ADAM17: variants seen among roughly 807,000 people sequenced by gnomAD.
ADAM17 encodes disintegrin and metalloproteinase domain-containing protein 17.
A neutral mutation model predicts 96.7 loss-of-function variants in ADAM17; 39 were observed. The observed-to-expected ratio is 0.40, with a 90% CI of 0.31 to 0.53. The LOEUF (loss-of-function observed/expected upper bound fraction) is 0.53. Ranked by LOEUF, ADAM17 falls within the 20% of genes least tolerant of loss-of-function variation. The probability of loss-of-function intolerance (pLI) is 0.44; values close to 1 mark genes in which losing one functional copy is unlikely to be tolerated. For missense variants in ADAM17, 777 were observed against 1,013.2 expected, an observed-to-expected ratio of 0.77 and a Z score of 3.17; for synonymous variants, 344 against 359.2, an observed-to-expected ratio of 0.96 and a Z score of 0.48.
At chr2:9,510,265 T>C (rs1471479468) in intron 10 of ADAM17, 134 bp from the exon 11 acceptor site, 46 of 994,606 alleles carry the variant, frequency 4.6e-5, no homozygotes, top group Non-Finnish European at 6.6e-5. Context: ...ATGCTTATAA[T>C]ACCAGCACTT....
chr2:9,509,886 G>A lies in ADAM17; in HGVS notation c.1344+93C>T, dbSNP rs1465328105. The A allele has an allele frequency of 8.8e-6, 13 of 1,475,750 alleles. No homozygotes were observed. The highest frequency in any genetic ancestry group is 1.2e-5 in the Non-Finnish European group (13 of 1,086,908). The allele number at this position is 1,475,750 out of a possible 1,614,324, so 91.4% of individuals were successfully genotyped here. A position where few individuals can be genotyped will look rare whatever the true frequency, so the allele number is the denominator to read the frequency against. ...TTTGCACATCCATCCCTAGGGAAAC[G>A]CCTAGGAATGGAATACGTTTCTGAG... On this transcript the variant is annotated intron_variant, in intron 11 of 18. Coordinates refer to ENST00000310823, the MANE Select transcript of ADAM17 (RefSeq NM_003183.6).
At chr2:9,521,397 C>A in intron 7 of ADAM17, 81 bp from the exon 8 acceptor site, 15 of 965,892 alleles carry the variant, frequency 1.6e-5, no homozygotes, top group South Asian at 7.2e-5. Context: ...TTTATCTGTT[C>A]AAAAAAAGAA....
intron 11 of ADAM17, among the ~76,000 whole-genome samples, chr2:9,506,541 A>G (rs938685882): frequency 1.3e-5 from 2 of 151,490 alleles, no homozygotes; most frequent in African/African-American, 4.9e-5. Context: ...TAATTTTTGT[A>G]TTTTTTGTAG....
chr2:9,514,971 T>C (rs1572923016), intron 10 of ADAM17, among the ~76,000 whole-genome samples: 1 of 152,302 alleles, frequency 6.6e-6, no homozygotes, highest in African/African-American at 2.4e-5. Context: ...ACTCTTGGCC[T>C]CAAGTGATCC....
intron 10 of ADAM17, 93 bp from the exon 11 acceptor site, chr2:9,510,224 A>C (rs1008180263): frequency 3.8e-5 from 51 of 1,355,088 alleles, no homozygotes; most frequent in Non-Finnish European, 5.2e-5. Context: ...ATAGAGCCTT[A>C]TAATCAGATC....
At chr2:9,550,947 C>T (rs976018720) in intron 1 of ADAM17, among the ~76,000 whole-genome samples, 1 of 148,370 alleles carries the variant, frequency 6.7e-6, no homozygotes, top group African/African-American at 2.5e-5. Context: ...TGGTGGGGGA[C>T]ACCTGTAATC....
At chr2:9,502,067 G>T in intron 13 of ADAM17, 106 bp downstream of exon 13, 1 of 1,012,506 alleles carries the variant, frequency 9.9e-7, no homozygotes, top group Non-Finnish European at 1.5e-6. Flanking sequence ...CGGCATATGA[G>T]ATTAAAAATA....
At chr2:9,502,347 T>TA in intron 12 of ADAM17, 71 bp from the exon 13 acceptor site, 1 of 1,347,674 alleles carries the variant, frequency 7.4e-7, no homozygotes, top group East Asian at 2.3e-5. Flanking sequence ...ACGCTACAGT[T>TA]ACGTTACAGT....
rs775739935 is a variant in ADAM17 at position 9,490,316 on chromosome 2, T to C, written c.2336A>G (p.Lys779Arg). 1 of 1,614,146 alleles carries C rather than the reference T, an allele frequency of 6.2e-7. No individual in the cohort carries two copies. The highest frequency in any genetic ancestry group is 2.2e-5 in the East Asian group (1 of 44,868). ...DSHMDEDGFE[K>R]DPFPNSSTAA... ...TGTGCTGCTATTTGGGAAGGGGTCC[T>C]TCTCAAACCCATCCTCGTCCATATG... is the stretch of plus-strand genomic sequence containing the variant. The change falls in exon 19 of 19, where the codon AAG becomes AGG. Residue 779 changes from lysine (K) to arginine (R), a missense_variant. By Grantham distance (26) the Lys-to-Arg change is conservative (BLOSUM62 2). Coordinates refer to ENST00000310823, the MANE Select transcript of ADAM17 (RefSeq NM_003183.6).
At chr2:9,494,147 ACT>A (rs1481585256) in intron 15 of ADAM17, among the ~76,000 whole-genome samples, 1 of 152,090 alleles carries the variant, frequency 6.6e-6, no homozygotes, top group Non-Finnish European at 1.5e-5. Flanking sequence ...ACACAGCCAG[ACT>A]CCCTGTGAAG....
chr2:9,522,161 A>G (rs1388819281), intron 7 of ADAM17: 2 of 351,938 alleles, frequency 5.7e-6, no homozygotes, highest in Admixed American at 4.7e-5. Context: ...TTTATAATAA[A>G]ACAAGTGAAG....
rs2125049885 is a variant in ADAM17 at position 9,555,677 on chromosome 2, C to T, written c.-72G>A. ...TGACGGGGTTTCGGAAAACTGCTCACATCGGGGGAGGACGGGATCCGCCCG... is the reference window on the plus strand; with the variant it reads ...TGACGGGGTTTCGGAAAACTGCTCATATCGGGGGAGGACGGGATCCGCCCG... On this transcript the variant is annotated 5_prime_UTR_variant, in exon 1 of 19. In the 5' UTR this introduces an upstream ATG that the reference lacks. Transcript: ENST00000310823. 2 of 1,302,140 alleles carry T rather than the reference C, an allele frequency of 1.5e-6. No homozygotes were observed. The highest frequency in any genetic ancestry group is 2.7e-5 in the East Asian group (1 of 36,772). 80.7% of individuals were successfully genotyped at this position (1,302,140 alleles called of 1,614,324 possible). A position where few individuals can be genotyped will look rare whatever the true frequency, so the allele number is the denominator to read the frequency against.
intron 4 of ADAM17, among the ~76,000 whole-genome samples, chr2:9,531,650 C>T (rs1664743891): frequency 6.6e-6 from 1 of 151,996 alleles, no homozygotes; most frequent in Admixed American, 6.6e-5. Flanking sequence ...TGCAGTGAGC[C>T]GAGATTGCGC....
intron 7 of ADAM17, 81 bp from the exon 8 acceptor site, chr2:9,521,397 C>CA: frequency 3.1e-6 from 3 of 965,896 alleles, no homozygotes; most frequent in Non-Finnish European, 4.6e-6. Context: ...TTTATCTGTT[C>CA]AAAAAAAGAA....
rs571610128 is a variant in ADAM17, at chr2:9,521,149, A to G, written c.957+54T>C. ...CTTCATTAAAACACATACAATCCAC[A>G]TATCAGAAATGACAAAGTGGTGTTA... is the stretch of plus-strand genomic sequence containing the variant. On this transcript the variant is annotated intron_variant, in intron 8 of 18. Transcript: ENST00000310823. The G allele has an allele frequency of 4.4e-5, 59 of 1,355,728 alleles. No homozygotes were observed. In the African/African-American group the frequency reaches 7.1e-4, roughly 16 times the overall value. The allele number at this position is 1,355,728 out of a possible 1,614,324, so 84.0% of individuals were successfully genotyped here. A position where few individuals can be genotyped will look rare whatever the true frequency, so the allele number is the denominator to read the frequency against.
intron 7 of ADAM17, 163 bp from the exon 8 acceptor site, chr2:9,521,479 C>T: frequency 5.0e-6 from 2 of 400,294 alleles, no homozygotes; most frequent in Non-Finnish European, 9.1e-6. Flanking sequence ...ATGTTTGAAA[C>T]AAACAGAGAA....
intron 10 of ADAM17, among the ~76,000 whole-genome samples, chr2:9,514,568 T>TATATATAA (rs1558510006): frequency 4.8e-4 from 48 of 100,540 alleles, no homozygotes; most frequent in Non-Finnish European, 8.5e-4. Flanking sequence ...TATATATATA[T>TATATATAA]AAATAAAAAG....
chr2:9,523,632 G>A (rs1036448937), intron 6 of ADAM17, among the ~76,000 whole-genome samples: 23 of 152,150 alleles, frequency 1.5e-4, no homozygotes, highest in African/African-American at 5.3e-4. Flanking sequence ...TAAAACTACC[G>A]TTTCAGCCAA....
intron 17 of ADAM17, among the ~76,000 whole-genome samples, chr2:9,491,364 C>T (rs1662132077): frequency 6.6e-6 from 1 of 152,192 alleles, no homozygotes; most frequent in African/African-American, 2.4e-5. Flanking sequence ...AAAGGAAATA[C>T]ATTTTGGCGT....
Sources: allele counts gnomAD v4.1 joint callset (sites outside exome capture counted in the v4.1 genomes callset), GRCh38; gene constraint gnomAD v4.1.1; transcripts MANE v1.5; gene names NCBI Gene and HGNC (gene_info 2026-07-23, HGNC 2026-07-21).